Variants in TFAP2D observed in about 807,000 individuals in gnomAD.
The protein encoded by TFAP2D is transcription factor AP-2 delta.
Under a neutral mutation model 43.6 loss-of-function variants are expected in TFAP2D, and 9 were observed. That is an observed-to-expected ratio of 0.21 (90% confidence interval 0.12 to 0.36). The LOEUF is 0.36. TFAP2D is among the 10% of genes least tolerant of loss of function. TFAP2D has a pLI of 1.00. For synonymous variants in TFAP2D, 256 were observed against 224.9 expected, an observed-to-expected ratio of 1.14 and a Z score of -1.24; for missense variants, 513 against 561.4, an observed-to-expected ratio of 0.91 and a Z score of 0.87.
At chr6:50,726,160 C>T (rs757733480) in intron 3 of TFAP2D, among the ~76,000 whole-genome samples, 19 of 152,196 alleles carry the variant, frequency 1.2e-4, no homozygotes, top group Non-Finnish European at 2.4e-4. Flanking sequence ...AGATAGCAGA[C>T]TCAGTGGCTT....
chr6:50,753,481 G>A (rs1769225489), intron 7 of TFAP2D, among the ~76,000 whole-genome samples: 1 of 151,836 alleles, frequency 6.6e-6, no homozygotes, highest in African/African-American at 2.4e-5. Context: ...CAAAACATGA[G>A]CTGAGCATTT....
At chr6:50,745,902 A>G (rs1390434797) in intron 6 of TFAP2D, among the ~76,000 whole-genome samples, 5 of 152,276 alleles carry the variant, frequency 3.3e-5, no homozygotes, top group Admixed American at 1.3e-4. Flanking sequence ...ATACAATAGG[A>G]AAGGGGGAAG....
intron 3 of TFAP2D, among the ~76,000 whole-genome samples, chr6:50,721,697 T>C (rs1768727217): frequency 2.0e-5 from 3 of 152,228 alleles, no homozygotes; most frequent in Admixed American, 2.0e-4. Flanking sequence ...CCCGATACTG[T>C]CTAAAAGCTA....
intron 7 of TFAP2D, among the ~76,000 whole-genome samples, chr6:50,751,911 T>TG (rs1769206250): frequency 6.6e-6 from 1 of 151,988 alleles, no homozygotes; most frequent in South Asian, 2.1e-4. Flanking sequence ...TGTTAGGAAA[T>TG]CATTACTTTA....
chr6:50,760,875 C>A lies in TFAP2D; in HGVS notation c.1139+9551C>A, dbSNP rs543579516. On this transcript the variant is annotated intron_variant, in intron 7 of 7. Coordinates refer to ENST00000008391, the MANE Select transcript of TFAP2D (RefSeq NM_172238.4). ...GGTTGGGCGGAGAAGACCTACAATTCTTTGCTGTTGTTGTTGAGGGTCTGT... is the reference window on the plus strand; with the variant it reads ...GGTTGGGCGGAGAAGACCTACAATTATTTGCTGTTGTTGTTGAGGGTCTGT... 1.5e-4 allele frequency among the ~76,000 whole-genome samples: 22 copies of A among 151,362 alleles called. No homozygotes were observed. The South Asian group carries it at 2.1e-3, about 14-fold the overall frequency.
intron 7 of TFAP2D, among the ~76,000 whole-genome samples, chr6:50,760,130 G>C (rs949520790): frequency 6.6e-6 from 1 of 151,998 alleles, no homozygotes; most frequent in African/African-American, 2.4e-5. Context: ...CCTAGCCACA[G>C]TTTCTAAAAC....
intron 7 of TFAP2D, among the ~76,000 whole-genome samples, chr6:50,764,810 A>C (rs1305063514): frequency 6.6e-6 from 1 of 152,202 alleles, no homozygotes; most frequent in Non-Finnish European, 1.5e-5. Flanking sequence ...AAATACAAAT[A>C]AAATATATTT....
At chr6:50,715,087 G>T (rs571900915) in intron 1 of TFAP2D, 29 bp from the exon 2 acceptor site, 5 of 1,597,294 alleles carry the variant, frequency 3.1e-6, no homozygotes, top group Non-Finnish European at 4.3e-6. Context: ...AAGTTTTTCT[G>T]CTCTCCCTTT....
intron 7 of TFAP2D, among the ~76,000 whole-genome samples, chr6:50,766,788 C>A (rs1769450693): frequency 6.6e-6 from 1 of 150,500 alleles, no homozygotes; most frequent in African/African-American, 2.4e-5. Flanking sequence ...CCTGCCTCAG[C>A]CTCCCGAGTA....
intron 5 of TFAP2D, among the ~76,000 whole-genome samples, chr6:50,742,444 A>G (rs916923074): frequency 2.0e-5 from 3 of 152,032 alleles, no homozygotes; most frequent in African/African-American, 7.2e-5. Context: ...TTTAGCACAA[A>G]ATTCAAGAGG....
At chr6:50,751,166 C>A in intron 6 of TFAP2D, 45 bp from the exon 7 acceptor site, 2 of 1,330,432 alleles carry the variant, frequency 1.5e-6, no homozygotes, top group Admixed American at 1.8e-5. Flanking sequence ...GAAATTAAAG[C>A]TCAATTTGAA....
At chr6:50,743,158 C>T (rs1216653869) in intron 5 of TFAP2D, among the ~76,000 whole-genome samples, 2 of 152,084 alleles carry the variant, frequency 1.3e-5, no homozygotes, top group African/African-American at 2.4e-5. Flanking sequence ...TTTTCCACCA[C>T]ACAGATATTA....
intron 5 of TFAP2D, among the ~76,000 whole-genome samples, chr6:50,743,578 T>C: frequency 6.6e-6 from 1 of 151,950 alleles, no homozygotes; most frequent in East Asian, 1.9e-4. Flanking sequence ...GATGATGGGG[T>C]CTTTCTATGT....
At chr6:50,757,750 T>TTATTCTATATATAGAATATATATAAA (rs1769306855) in intron 7 of TFAP2D, among the ~76,000 whole-genome samples, 2 of 65,554 alleles carry the variant, frequency 3.1e-5, no homozygotes, top group African/African-American at 1.2e-4. Context: ...ATATATATAA[T>TTATTCTATATATAGAATATATATAAA]TATTCTATAT....
intron 7 of TFAP2D, among the ~76,000 whole-genome samples, chr6:50,763,648 C>T (rs1042129502): frequency 4.0e-5 from 6 of 151,802 alleles, no homozygotes; most frequent in African/African-American, 1.2e-4. Flanking sequence ...TGTCATAAAT[C>T]CATTCAATGG....
chr6:50,754,979 A>AT (rs1044418195), intron 7 of TFAP2D, among the ~76,000 whole-genome samples: 6 of 151,594 alleles, frequency 4.0e-5, no homozygotes, highest in African/African-American at 1.5e-4. Flanking sequence ...TAATTTGTTT[A>AT]TTTTTTACCT....
chr6:50,736,294 T>C (rs1768962115), intron 5 of TFAP2D, among the ~76,000 whole-genome samples: 1 of 152,176 alleles, frequency 6.6e-6, no homozygotes, highest in South Asian at 2.1e-4. Context: ...AGCTCTGCTG[T>C]TCCCTTTTAC....
intron 6 of TFAP2D, among the ~76,000 whole-genome samples, chr6:50,748,930 T>G (rs1466077058): frequency 6.6e-6 from 1 of 151,858 alleles, no homozygotes; most frequent in Non-Finnish European, 1.5e-5. Flanking sequence ...TCACTGAAGA[T>G]CATCTTGTGT....
chr6:50,751,195 G>T lies in TFAP2D; in HGVS notation c.1026-16G>T. Reference sequence around the variant, plus strand: ...ATTTGAAAATTTCAATTTTAAATTTGATTCTTTTATTTTAGACAAATCTGT... The same window carrying T: ...ATTTGAAAATTTCAATTTTAAATTTTATTCTTTTATTTTAGACAAATCTGT... On this transcript the variant is annotated splice_polypyrimidine_tract_variant and intron_variant, in intron 6 of 7. Transcript: ENST00000008391. 6.5e-7 allele frequency: 1 copy of T among 1,539,284 alleles called. No individual in the cohort carries two copies. The highest frequency in any genetic ancestry group is 1.1e-5 in the South Asian group (1 of 87,246).
Sources: gnomAD v4.1 joint callset for allele counts (sites outside exome capture counted in the v4.1 genomes callset) on GRCh38, gnomAD v4.1.1 for gene constraint, MANE v1.5 for transcripts, NCBI Gene and HGNC (gene_info 2026-07-23, HGNC 2026-07-21) for gene names.